THSD7B: variants seen among roughly 807,000 people sequenced by gnomAD.
THSD7B encodes the protein thrombospondin type-1 domain-containing protein 7B.
In THSD7B, 138 loss-of-function variants were observed where a neutral mutation model predicts 213.6. That is an observed-to-expected ratio of 0.65 (90% CI 0.56 to 0.74). The LOEUF (loss-of-function observed/expected upper bound fraction) is 0.74, where lower values mean the gene tolerates loss of function less well. Among genes scored for constraint, THSD7B ranks in the 30% least tolerant of loss-of-function variants. The probability of loss-of-function intolerance (pLI) is 0.00; values close to 1 mark genes in which losing one functional copy is unlikely to be tolerated. For synonymous variants in THSD7B, 742 were observed against 687.0 expected (o/e 1.08, Z -1.25); for missense variants, 1,931 against 1,991.5 (o/e 0.97, Z 0.58).
intron 2 of THSD7B, among the ~76,000 whole-genome samples, chr2:136,934,579 A>G (rs988901982): frequency 6.6e-6 from 1 of 152,174 alleles, no homozygotes; most frequent in Non-Finnish European, 1.5e-5. Flanking sequence ...TTGTTTAGCA[A>G]GAGGTTAGGA....
At chr2:137,020,634 A>G (rs1336317276) in intron 2 of THSD7B, among the ~76,000 whole-genome samples, 1 of 152,008 alleles carries the variant, frequency 6.6e-6, no homozygotes. Flanking sequence ...CCAGAGCTCC[A>G]CTGACAGAAA....
At chr2:137,226,272 G>A (rs1681502665) in intron 7 of THSD7B, among the ~76,000 whole-genome samples, 1 of 151,782 alleles carries the variant, frequency 6.6e-6, no homozygotes, top group South Asian at 2.1e-4. Flanking sequence ...AAGGTAGTTT[G>A]AAGTTTGTAT....
chr2:137,178,186 A>ATTT (rs34568563), intron 7 of THSD7B, among the ~76,000 whole-genome samples: 1,512 of 144,770 alleles, frequency 0.01, 25 homozygotes, highest in African/African-American at 0.034. Flanking sequence ...CAGTGAGTAA[A>ATTT]TTTTTTTTTT....
chr2:137,616,117 T>G, intron 17 of THSD7B, 58 bp from the exon 18 acceptor site: 1 of 1,580,130 alleles, frequency 6.3e-7, no homozygotes. Context: ...CTGTATATCT[T>G]ATATAATTTA....
At chr2:137,025,351 C>T (rs1422130501) in intron 2 of THSD7B, among the ~76,000 whole-genome samples, 3 of 152,280 alleles carry the variant, frequency 2.0e-5, no homozygotes, top group Middle Eastern at 6.8e-3. Context: ...TTCAGAGGAA[C>T]CTTCTCTGAT....
chr2:137,629,738 A>G (rs1458970738), intron 20 of THSD7B, among the ~76,000 whole-genome samples: 1 of 152,154 alleles, frequency 6.6e-6, no homozygotes, highest in Non-Finnish European at 1.5e-5. Context: ...AATCATCTAG[A>G]TAGTGTCTAT....
intron 12 of THSD7B, among the ~76,000 whole-genome samples, chr2:137,315,569 G>C (rs1440033027): frequency 1.3e-5 from 2 of 152,000 alleles, no homozygotes; most frequent in Non-Finnish European, 2.9e-5. Flanking sequence ...ACGTTTTTCA[G>C]TAGCGTCTCT....
In THSD7B at chr2:136,889,552, G is replaced by A. The variant is rs753046179; in HGVS notation, c.139+7235G>A. On this transcript the variant is annotated intron_variant, in intron 2 of 27. Coordinates refer to ENST00000409968, the MANE Select transcript of THSD7B (RefSeq NM_001316349.2). ...TGTCCGCTGCTGAGCCAAGCAGTGT[G>A]CTGTGCACCTGCATCCTTTCTTGTT... 8.7e-4 allele frequency among the ~76,000 whole-genome samples: 133 copies of A among 152,200 alleles called. 3 individuals carry two copies. The highest frequency in any genetic ancestry group is 3.1e-4 in the Non-Finnish European group (21 of 68,034).
Position 137,196,710 on chromosome 2 carries a change from A to G in THSD7B, c.1723+25772A>G, listed in dbSNP as rs149334222. Among the ~76,000 whole-genome samples the G allele has an allele frequency of 1.1e-3, 171 of 152,290 alleles. 1 individual carries two copies. The highest frequency in any genetic ancestry group is 3.6e-3 in the African/African-American group (151 of 41,564). On this transcript the variant is annotated intron_variant, in intron 7 of 27. Transcript: ENST00000409968. ...TTTCATGTACAAAATTATTAAAAAT[A>G]TTGTATACAATTATCTTCAGCTATG...
intron 2 of THSD7B, among the ~76,000 whole-genome samples, chr2:136,898,029 GC>G (rs1336548460): frequency 6.6e-5 from 10 of 152,178 alleles, no homozygotes; most frequent in African/African-American, 2.4e-4. Context: ...TTTACAGAGT[GC>G]TGATTGGTGC....
At chr2:136,808,039 C>A (rs1384898132) in intron 1 of THSD7B, among the ~76,000 whole-genome samples, 1 of 152,162 alleles carries the variant, frequency 6.6e-6, no homozygotes, top group Non-Finnish European at 1.5e-5. Context: ...ACTGATAGCT[C>A]CAAATCTGAT....
intron 15 of THSD7B, among the ~76,000 whole-genome samples, chr2:137,487,953 C>A (rs566675176): frequency 3.0e-5 from 1 of 33,644 alleles, no homozygotes; most frequent in African/African-American, 7.6e-5. Flanking sequence ...TTAGTAGAGA[C>A]GGGGTTTCAC....
At chr2:137,634,223 T>A (rs1682791929) in intron 20 of THSD7B, among the ~76,000 whole-genome samples, 1 of 152,140 alleles carries the variant, frequency 6.6e-6, no homozygotes, top group Non-Finnish European at 1.5e-5. Flanking sequence ...CTTCTAGATG[T>A]TGGTTTCTGG....
intron 1 of THSD7B, among the ~76,000 whole-genome samples, chr2:136,853,938 T>A (rs1683137214): frequency 6.6e-6 from 1 of 152,204 alleles, no homozygotes; most frequent in Admixed American, 6.5e-5. Context: ...CAGAGGTACC[T>A]CTTCAAGCTG....
chr2:136,857,745 A>G (rs1339298008), intron 1 of THSD7B, among the ~76,000 whole-genome samples: 1 of 152,218 alleles, frequency 6.6e-6, no homozygotes, highest in Non-Finnish European at 1.5e-5. Context: ...AAATTCATAC[A>G]TGACTACTCC....
At chr2:137,200,748 A>G (rs1680859085) in intron 7 of THSD7B, among the ~76,000 whole-genome samples, 2 of 152,094 alleles carry the variant, frequency 1.3e-5, no homozygotes, top group Admixed American at 6.6e-5. Context: ...TCCAACTCCC[A>G]GGCTCCAGTG....
intron 12 of THSD7B, among the ~76,000 whole-genome samples, chr2:137,360,352 C>T (rs1385185840): frequency 6.6e-6 from 1 of 152,096 alleles, no homozygotes; most frequent in Non-Finnish European, 1.5e-5. Flanking sequence ...TGGTTCATCT[C>T]ATTGGGACTG....
chr2:137,663,770 T>C (rs1270689245), intron 26 of THSD7B, among the ~76,000 whole-genome samples, 195 bp downstream of exon 26: 7 of 152,252 alleles, frequency 4.6e-5, no homozygotes, highest in East Asian at 1.9e-4. Context: ...AGTGTTTTCA[T>C]GAATGGTTGA....
chr2:136,804,160 T>C (rs1318225202), intron 1 of THSD7B, among the ~76,000 whole-genome samples: 2 of 152,130 alleles, frequency 1.3e-5, no homozygotes, highest in African/African-American at 4.8e-5. Context: ...TGTGGTGCAT[T>C]GGAAAGTGCA....
Sources: allele counts gnomAD v4.1 joint callset (sites outside exome capture counted in the v4.1 genomes callset), GRCh38; gene constraint gnomAD v4.1.1; transcripts MANE v1.5; gene names NCBI Gene and HGNC (gene_info 2026-07-23, HGNC 2026-07-21).